The following CACNA1C variants were observed in gnomAD, a reference collection of about 807,000 sequenced individuals.
CACNA1C encodes the protein calcium voltage-gated channel subunit alpha1 C, also known as voltage-dependent L-type calcium channel subunit alpha-1C.
CACNA1C carries 30 observed loss-of-function variants against 229.0 expected under a neutral mutation model. The ratio of observed to expected loss-of-function variants is 0.13; its 90% CI spans 0.10 to 0.18. The LOEUF is 0.18. Ranked by LOEUF, CACNA1C falls within the 10% of genes least tolerant of loss-of-function variation. The pLI is 1.00. For synonymous variants in CACNA1C, 1,114 were observed against 1,132.5 expected (o/e 0.98, Z 0.33); for missense variants, 1,658 against 2,845.0 (o/e 0.58, Z 9.49).
chr12:2,541,145 G>A (rs1162636663), intron 9 of CACNA1C, among the ~76,000 whole-genome samples: 1 of 152,072 alleles, frequency 6.6e-6, no homozygotes, highest in East Asian at 1.9e-4. Context: ...TTAATCTAAT[G>A]ACCTCTTTCA....
intron 1 of CACNA1C, chr12:1,997,957 C>T (rs2041327537): frequency 1.1e-5 from 18 of 1,608,358 alleles, no homozygotes; most frequent in East Asian, 4.5e-5. Context: ...AATAAGGTTC[C>T]TTCCACATCA....
intron 1 of CACNA1C, among the ~76,000 whole-genome samples, chr12:2,097,416 G>C (rs1438051044): frequency 6.6e-6 from 1 of 152,124 alleles, no homozygotes; most frequent in Non-Finnish European, 1.5e-5. Context: ...AAAGTGCTGG[G>C]ATTACAGATG....
At chr12:2,361,194 A>G (rs1376050632) in intron 3 of CACNA1C, among the ~76,000 whole-genome samples, 1 of 151,986 alleles carries the variant, frequency 6.6e-6, no homozygotes, top group South Asian at 2.1e-4. Context: ...CTCCAATATC[A>G]ATTTTAATTT....
chr12:2,366,529 A>C (rs2097722888), intron 3 of CACNA1C, among the ~76,000 whole-genome samples: 1 of 152,202 alleles, frequency 6.6e-6, no homozygotes, highest in Non-Finnish European at 1.5e-5. Context: ...GGGAACCATG[A>C]GTTAAAGTTT....
At chr12:2,587,942 T>C (rs1247562871) in intron 18 of CACNA1C, among the ~76,000 whole-genome samples, 1 of 152,172 alleles carries the variant, frequency 6.6e-6, no homozygotes, top group East Asian at 1.9e-4. Context: ...ATCCCTGGTT[T>C]CCAGGTCCTC....
chr12:2,572,434 T>TCCTCC (rs1568497891), intron 13 of CACNA1C, among the ~76,000 whole-genome samples: 1 of 13,664 alleles, frequency 7.3e-5, no homozygotes, highest in African/African-American at 3.0e-4. Context: ...CCTCTTCCTC[T>TCCTCC]TCCTGCTCCT....
intron 29 of CACNA1C, chr12:2,612,952 A>G (rs893027522): frequency 2.0e-5 from 3 of 152,232 alleles, no homozygotes; most frequent in Admixed American, 2.0e-4. Context: ...CAGACTTGAG[A>G]CAATCTCTCC....
chr12:2,590,657 G>A (rs186980650), intron 18 of CACNA1C, among the ~76,000 whole-genome samples: 1 of 152,314 alleles, frequency 6.6e-6, no homozygotes, highest in Admixed American at 6.5e-5. Flanking sequence ...CCCCAGGAAT[G>A]GAGCTCAGCA....
At position 2,608,634 on chromosome 12, in the gene CACNA1C, C is replaced by T; in HGVS notation, c.3480C>T (p.Ile1160=). ...TCATCGCCTTCTTCATGATGAACAT[C>T]TTCGTGGGCTTCGTCATCGTCACCT... is the stretch of plus-strand genomic sequence containing the variant. The part of the protein sequence containing the change: ...IIIIAFFMMN[I]FVGFVIVTFQ... The change falls in exon 27 of 47, where the codon ATC becomes ATT. Residue 1160 remains isoleucine, a synonymous_variant. Transcript: ENST00000399655. The surrounding 1 kb of genome is among the most constrained non-coding windows in gnomAD (Gnocchi z 4.2). 6.2e-7 allele frequency: 1 copy of T among 1,613,846 alleles called. No individual in the cohort carries two copies. Among genetic ancestry groups the T allele is most frequent in the Non-Finnish European group, 8.5e-7 (1 of 1,179,672 alleles).
In CACNA1C at chr12:2,106,693, G is replaced by A. The variant is rs541848703; in HGVS notation, c.50-8531G>A. 1.6e-4 allele frequency among the ~76,000 whole-genome samples: 16 copies of A among 97,782 alleles called. No individual in the cohort carries two copies. In the South Asian group the frequency reaches 1.8e-3, roughly 11 times the overall value. 64.1% of individuals were successfully genotyped at this position (97,782 alleles called of 152,430 possible). A position where few individuals can be genotyped will look rare whatever the true frequency, so the allele number is the denominator to read the frequency against. On this transcript the variant is annotated intron_variant, in intron 1 of 46. Transcript: ENST00000399655. ...CTGGGGCGTCCTGAAGCCACTGGGC[G>A]CCCACCCCGGGGAGGGTTTCCACCT...
At chr12:2,359,231 G>A (rs944038568) in intron 3 of CACNA1C, among the ~76,000 whole-genome samples, 6 of 152,102 alleles carry the variant, frequency 3.9e-5, no homozygotes, top group African/African-American at 4.8e-5. Context: ...CCACTTGCTC[G>A]GTCCTTCGGG....
At chr12:2,369,350 C>T (rs1272451872) in intron 3 of CACNA1C, among the ~76,000 whole-genome samples, 3 of 151,074 alleles carry the variant, frequency 2.0e-5, no homozygotes, top group African/African-American at 7.3e-5. Context: ...GGAAGGTGGG[C>T]GAGGGCAGGG....
intron 3 of CACNA1C, among the ~76,000 whole-genome samples, chr12:2,328,467 C>T (rs564936599): frequency 1.4e-4 from 21 of 152,256 alleles, no homozygotes; most frequent in African/African-American, 4.6e-4. Flanking sequence ...TGAGCTGAAG[C>T]GATGGGTGGA....
chr12:2,588,785 T>G lies in CACNA1C; in HGVS notation c.2530+2881T>G, dbSNP rs556792183. Among the ~76,000 whole-genome samples, 38 of 152,356 alleles carry G rather than the reference T, an allele frequency of 2.5e-4. No individual in the cohort carries two copies. In the South Asian group the frequency reaches 7.7e-3, roughly 31 times the overall value. On this transcript the variant is annotated intron_variant, in intron 18 of 46. Transcript: ENST00000399655. ...CCAGATGAGTGGAAGCTAATTCTAC[T>G]TTTGTTTAATTTATTAATTTATTTG...
intron 3 of CACNA1C, among the ~76,000 whole-genome samples, chr12:2,208,523 C>T (rs1015256275): frequency 1.3e-5 from 2 of 152,178 alleles, no homozygotes; most frequent in African/African-American, 4.8e-5. Flanking sequence ...CTCTGGAGCC[C>T]TCTGTCCCCT....
intron 1 of CACNA1C, among the ~76,000 whole-genome samples, chr12:1,989,030 T>C (rs763513917): frequency 6.6e-6 from 1 of 152,242 alleles, no homozygotes; most frequent in African/African-American, 2.4e-5. Context: ...AAAAAGAATT[T>C]CATTGCAATC....
intron 3 of CACNA1C, among the ~76,000 whole-genome samples, chr12:2,398,981 G>GGC (rs2098636120): frequency 1.3e-5 from 2 of 152,168 alleles, no homozygotes; most frequent in South Asian, 4.1e-4. Flanking sequence ...AGGAACATGG[G>GGC]GCTTTGGGTA....
intron 3 of CACNA1C, among the ~76,000 whole-genome samples, chr12:2,375,404 C>G (rs923991778): frequency 1.3e-5 from 2 of 152,156 alleles, no homozygotes; most frequent in African/African-American, 4.8e-5. Context: ...TCAGGAGATG[C>G]GTTTCCTGGG....
intron 3 of CACNA1C, among the ~76,000 whole-genome samples, chr12:2,385,235 T>G (rs1567373834): frequency 6.6e-6 from 1 of 152,154 alleles, no homozygotes; most frequent in Admixed American, 6.6e-5. Context: ...GGGATCTGCT[T>G]GAGCTCCCTG....
Sources: allele counts gnomAD v4.1 joint callset (sites outside exome capture counted in the v4.1 genomes callset), GRCh38; gene constraint gnomAD v4.1.1; non-coding constraint Gnocchi (gnomAD v3.1); transcripts MANE v1.5; gene names NCBI Gene and HGNC (gene_info 2026-07-23, HGNC 2026-07-21).